Variants in MED25 observed in about 807,000 individuals in gnomAD.
MED25 encodes the protein mediator complex subunit 25, also known as mediator of RNA polymerase II transcription subunit 25.
In MED25, 62 loss-of-function variants were observed where a neutral mutation model predicts 89.4. The observed-to-expected ratio is 0.69, with a 90% CI of 0.57 to 0.86. The LOEUF (loss-of-function observed/expected upper bound fraction) is 0.86. Among genes scored for constraint, MED25 ranks in the 40% least tolerant of loss-of-function variants. The probability of loss-of-function intolerance (pLI) is 0.00; values close to 1 mark genes in which losing one functional copy is unlikely to be tolerated. For synonymous variants in MED25, 449 were observed against 427.9 expected, an observed-to-expected ratio of 1.05 and a Z score of -0.61; for missense variants, 905 against 1,005.2, an observed-to-expected ratio of 0.90 and a Z score of 1.35.
At chr19:49,839,458 G>C (rs2074120360), downstream of MED25, 1 of 152,754 alleles carries the variant, frequency 6.5e-6, no homozygotes, top group African/African-American at 2.4e-5. Context: ...TCAGTCACGA[G>C]TGAGTTGATG....
chr19:49,820,354 T>C (rs1344834983), intron 3 of MED25, among the ~76,000 whole-genome samples: 1 of 152,124 alleles, frequency 6.6e-6, no homozygotes, highest in Non-Finnish European at 1.5e-5. Context: ...ATCAAATTGT[T>C]GTAACAGGTT....
In MED25 at chr19:49,830,833, T is replaced by C. The variant is rs1256377019; in HGVS notation, c.1047T>C (p.Thr349=). 1.2e-6 allele frequency: 2 copies of C among 1,612,894 alleles called. No homozygotes were observed. The highest frequency in any genetic ancestry group is 1.7e-6 in the Non-Finnish European group (2 of 1,179,872). Reference sequence around the variant, plus strand: ...CTTCCCAGCCCAGTCTGGTCTCCACTGTGGCCCCTGGCTCCGGCCTGGCTC... The same window carrying C: ...CTTCCCAGCCCAGTCTGGTCTCCACCGTGGCCCCTGGCTCCGGCCTGGCTC... ...PPASQPSLVS[T]VAPGSGLAPT... Residue 349 remains threonine, a synonymous_variant, in exon 9 of 18, where the codon ACT becomes ACC. Coordinates refer to ENST00000312865, the MANE Select transcript of MED25 (RefSeq NM_030973.4). The surrounding 1 kb of genome is among the most constrained non-coding windows in gnomAD (Gnocchi z 4.6).
intron 3 of MED25, among the ~76,000 whole-genome samples, chr19:49,820,201 C>G (rs2073972525): frequency 6.6e-6 from 1 of 152,140 alleles, no homozygotes; most frequent in Non-Finnish European, 1.5e-5. Flanking sequence ...CACTCAGGCC[C>G]AAGCCGACTC....
At position 49,834,647 on chromosome 19, in the gene MED25, C is replaced by T. The variant is rs1297248284; in HGVS notation, c.1483-339C>T. On this transcript the variant is annotated intron_variant, in intron 13 of 17. Transcript: ENST00000312865. The surrounding 1 kb of genome is among the most constrained non-coding windows in gnomAD (Gnocchi z 4.1). ...TGTGCATCTAGGCCGCTCTCCCGGC[C>T]GTGACCCTCAGCCGCCCTCTGAGGA... 11 of 400,324 alleles carry T rather than the reference C, an allele frequency of 2.7e-5. No homozygotes were observed. Among genetic ancestry groups the T allele is most frequent in the Non-Finnish European group, 3.3e-5 (7 of 210,326 alleles). The allele number at this position is 400,324 out of a possible 1,614,324, so 24.8% of individuals were successfully genotyped here.
At chr19:49,821,615 G>A (rs1402224769) in intron 3 of MED25, among the ~76,000 whole-genome samples, 5 of 148,840 alleles carry the variant, frequency 3.4e-5, no homozygotes, top group Non-Finnish European at 7.5e-5. Context: ...AAAAATACAA[G>A]CAATCATCCT....
chr19:49,832,508 G>A, intron 13 of MED25, 93 bp downstream of exon 13: 1 of 804,218 alleles, frequency 1.2e-6, no homozygotes, highest in South Asian at 1.4e-5. Context: ...TGGGCCCACG[G>A]AAGCCGTTTT....
Position 49,835,535 on chromosome 19 carries a change from TG to T in MED25, c.1682del (p.Gly561AspfsTer36). 2 of 1,557,554 alleles carry T rather than the reference TG, an allele frequency of 1.3e-6. No homozygotes were observed. Among genetic ancestry groups the T allele is most frequent in the Non-Finnish European group, 1.7e-6 (2 of 1,151,340 alleles). ...QQKLEQQQRG[M>X]GGQQAPPGLG... ...ACCTGCCCCTCTCTCCCCGTGCAGA[TG>T]GGGGGACAGCAGGCACCCCCAGGGC... On this transcript the variant is annotated frameshift_variant and splice_region_variant, in exon 15 of 18. Transcript: ENST00000312865. LOFTEE classifies it high-confidence loss of function. The surrounding 1 kb of genome is among the most constrained non-coding windows in gnomAD (Gnocchi z 6.2).
At chr19:49,824,863 C>T (rs1018854280) in intron 3 of MED25, among the ~76,000 whole-genome samples, 1 of 152,088 alleles carries the variant, frequency 6.6e-6, no homozygotes, top group Non-Finnish European at 1.5e-5. Flanking sequence ...CCTGGGGCTC[C>T]AGGCACCTGT....
chr19:49,832,321 CT>C lies in MED25; in HGVS notation c.1391del (p.Leu464CysfsTer133). 1.2e-6 allele frequency: 2 copies of C among 1,607,900 alleles called. No individual in the cohort carries two copies. Among genetic ancestry groups the C allele is most frequent in the Non-Finnish European group, 1.7e-6 (2 of 1,176,632 alleles). On this transcript the variant is annotated frameshift_variant, in exon 13 of 18. Coordinates refer to ENST00000312865, the MANE Select transcript of MED25 (RefSeq NM_030973.4). LOFTEE classifies it high-confidence loss of function. ...IPQQLLTTLG[P>X]LFRNSRMVQF... ...TGTCTCCCGCAGACCACCCTGGGCC[CT>C]TTGTTCCGGAACTCAAGGATGGTCC... is the stretch of plus-strand genomic sequence containing the variant.
Position 49,830,523 on chromosome 19 carries a change from C to G in MED25, c.832C>G (p.Leu278Val), listed in dbSNP as rs2074047600. The G allele has an allele frequency of 6.2e-7, 1 of 1,613,986 alleles. No homozygotes were observed. Among genetic ancestry groups the G allele is most frequent in the Non-Finnish European group, 8.5e-7 (1 of 1,180,014 alleles). ...VPPQYQVPGN[L>V]SAAQVAAQNA... ...CTTCTACCCACAGGTTCCCGGGAAC[C>G]TGAGTGCAGCTCAGGTGGCCGCGCA... The change falls in exon 8 of 18, where the codon CTG (leucine) becomes GTG (valine). Residue 278 changes from leucine (L) to valine (V), a missense_variant. Leu to Val is a conservative substitution (Grantham distance 32). This residue lies in a region of MED25 where 501 missense variants were observed against 526.9 expected (regional missense o/e 0.95). Coordinates refer to ENST00000312865, the MANE Select transcript of MED25 (RefSeq NM_030973.4). This position sits in a 1 kb window ranked among gnomAD's most constrained non-coding sequence, Gnocchi z 4.6.
chr19:49,834,269 A>C lies in MED25; in HGVS notation c.1483-717A>C, dbSNP rs1242982003. ...CCAGACAGCATTGGGAATGCAGGGG[A>C]GGAGGACACTTGGATATGGAATAGG... On this transcript the variant is annotated intron_variant, in intron 13 of 17. Coordinates refer to ENST00000312865, the MANE Select transcript of MED25 (RefSeq NM_030973.4). This position sits in a 1 kb window ranked among gnomAD's most constrained non-coding sequence, Gnocchi z 4.1. The C allele has an allele frequency of 6.5e-6, 1 of 153,632 alleles. No homozygotes were observed. Among genetic ancestry groups the C allele is most frequent in the Non-Finnish European group, 1.4e-5 (1 of 69,102 alleles). 9.5% of individuals were successfully genotyped at this position (153,632 alleles called of 1,614,324 possible).
chr19:49,836,984 C>G, downstream of MED25: 1 of 1,502,356 alleles, frequency 6.7e-7, no homozygotes, highest in Non-Finnish European at 9.2e-7. The surrounding 1 kb of genome is among the most constrained non-coding windows in gnomAD (Gnocchi z 5.1). Context: ...AACACACGCC[C>G]CGGCTCCCGT....
At chr19:49,828,913 G>T in intron 4 of MED25, 57 bp from the exon 5 acceptor site, 2 of 1,610,712 alleles carry the variant, frequency 1.2e-6, no homozygotes, top group Admixed American at 1.7e-5. Context: ...CTGGGTCTGG[G>T]TTCCTTCTCA....
Position 49,831,227 on chromosome 19 carries a change from G to A in MED25, c.1102-106G>A, listed in dbSNP as rs2074054391. 8.1e-7 allele frequency: 1 copy of A among 1,237,946 alleles called. No individual in the cohort carries two copies. The highest frequency in any genetic ancestry group is 2.1e-5 in the Admixed American group (1 of 46,806). The allele number at this position is 1,237,946 out of a possible 1,614,324, so 76.7% of individuals were successfully genotyped here. On this transcript the variant is annotated intron_variant, in intron 9 of 17. Coordinates refer to ENST00000312865, the MANE Select transcript of MED25 (RefSeq NM_030973.4). This position sits in a 1 kb window ranked among gnomAD's most constrained non-coding sequence, Gnocchi z 5.0. ...CAAGTGCTGTTCTGGGGATGGAGGG[G>A]CAGAAGAAGGGATCTTTCCTCCTTC...
Position 49,831,345 on chromosome 19 carries a change from G to A in MED25, c.1114G>A (p.Ala372Thr). The A allele has an allele frequency of 6.2e-7, 1 of 1,611,104 alleles. No individual in the cohort carries two copies. The highest frequency in any genetic ancestry group is 1.1e-5 in the South Asian group (1 of 90,166). ...PGAPSMAGTV[A>T]PGGVSGPSPA... is the part of the protein sequence containing the mutation. ...TCCCCTCTGGCAGGCAGGCACTGTG[G>A]CCCCAGGAGGGGTGAGCGGCCCTTC... Residue 372 changes from alanine to threonine, a missense_variant, in exon 10 of 18, where the codon GCC becomes ACC. By Grantham distance (58) the Ala-to-Thr change is moderately conservative. This residue lies in a region of MED25 where 501 missense variants were observed against 526.9 expected (regional missense o/e 0.95). Coordinates refer to ENST00000312865, the MANE Select transcript of MED25 (RefSeq NM_030973.4). The surrounding 1 kb of genome is among the most constrained non-coding windows in gnomAD (Gnocchi z 5.0).
intron 13 of MED25, chr19:49,833,793 G>C (rs972768901): frequency 1.3e-5 from 2 of 152,242 alleles, no homozygotes; most frequent in Non-Finnish European, 2.9e-5. Context: ...CCTGGCTGTT[G>C]GCTGGGGCTT....
Position 49,823,628 on chromosome 19 carries a change from G to T in MED25, c.305+4332G>T, listed in dbSNP as rs142974249. Among the ~76,000 whole-genome samples the T allele has an allele frequency of 2.6e-3, 391 of 152,288 alleles. 3 individuals are homozygous for T. Among genetic ancestry groups the T allele is most frequent in the African/African-American group, 8.9e-3 (370 of 41,554 alleles). On this transcript the variant is annotated intron_variant, in intron 3 of 17. Coordinates refer to ENST00000312865, the MANE Select transcript of MED25 (RefSeq NM_030973.4). Reference sequence around the variant, plus strand: ...GTTCATTAAACAACACCTGTTCGTAGCGGCCGTTACCTCTGTATGCTTCTG... The same window carrying T: ...GTTCATTAAACAACACCTGTTCGTATCGGCCGTTACCTCTGTATGCTTCTG...
rs748175180 is a variant in MED25 at position 49,829,085 on chromosome 19, G to T, written c.520G>T (p.Gly174Trp). 2.5e-6 allele frequency: 4 copies of T among 1,613,542 alleles called. No homozygotes were observed. In the South Asian group the frequency reaches 4.4e-5, roughly 18 times the overall value. Residue 174 changes from glycine to tryptophan, a missense_variant, in exon 5 of 18, where the codon GGG (glycine) becomes TGG (tryptophan). By Grantham distance (184) the Gly-to-Trp change is radical. This residue lies in a region of MED25 where 501 missense variants were observed against 526.9 expected (regional missense o/e 0.95). Coordinates refer to ENST00000312865, the MANE Select transcript of MED25 (RefSeq NM_030973.4). The surrounding 1 kb of genome is among the most constrained non-coding windows in gnomAD (Gnocchi z 4.6). ...CTTENLVQQI[G>W]ERGIHFSIVS... ...AACTGAGAATCTTGTGCAGCAGATT[G>T]GGGAGGTGAGGACTCCAGGGTCTGA...
intron 3 of MED25, among the ~76,000 whole-genome samples, chr19:49,827,040 TG>T (rs1485469032): frequency 1.3e-5 from 2 of 152,026 alleles, no homozygotes; most frequent in African/African-American, 4.8e-5. Flanking sequence ...TGGGCAAGCC[TG>T]GGGGTAAGAG....
Sources: gnomAD v4.1 joint callset for allele counts (sites outside exome capture counted in the v4.1 genomes callset) on GRCh38, gnomAD v4.1.1 for gene constraint, gnomAD v4.1.1 regional missense constraint, Gnocchi (gnomAD v3.1) non-coding constraint, MANE v1.5 for transcripts, NCBI Gene and HGNC (gene_info 2026-07-23, HGNC 2026-07-21) for gene names.